Variants in SKOR2 observed in about 807,000 individuals in gnomAD.
SKOR2 encodes the protein LBX1 corepressor 1-like protein.
A neutral mutation model predicts 69.1 loss-of-function variants in SKOR2; 47 were observed. The ratio of observed to expected loss-of-function variants is 0.68; its 90% CI spans 0.54 to 0.87. The LOEUF (loss-of-function observed/expected upper bound fraction) is 0.87, where lower values mean the gene tolerates loss of function less well. Ranked by LOEUF, SKOR2 falls within the 40% of genes least tolerant of loss-of-function variation. SKOR2 has a pLI of 0.00. For synonymous variants in SKOR2, 717 were observed against 672.6 expected (o/e 1.07, Z -1.02); for missense variants, 1,404 against 1,472.2 (o/e 0.95, Z 0.76).
At chr18:47,245,598 C>T (rs72914803) in intron 2 of SKOR2, 37 bp from the exon 3 acceptor site, 17 of 1,465,016 alleles carry the variant, frequency 1.2e-5, no homozygotes, top group Non-Finnish European at 1.3e-5. Context: ...AATCAATGCC[C>T]GGATCAAACC....
intron 8 of SKOR2, among the ~76,000 whole-genome samples, chr18:47,210,873 A>G (rs1400400898): frequency 1.3e-5 from 2 of 152,054 alleles, no homozygotes; most frequent in Admixed American, 1.3e-4. Context: ...GGGCCCCCAG[A>G]ATCTCTTCTT....
At chr18:47,250,836 C>T (rs2064309191) in intron 1 of SKOR2, among the ~76,000 whole-genome samples, 1 of 152,148 alleles carries the variant, frequency 6.6e-6, no homozygotes, top group Admixed American at 6.5e-5. Context: ...CAGTGACACC[C>T]GAGTCTGATA....
At position 47,247,623 on chromosome 18, in the gene SKOR2, C is replaced by T; in HGVS notation, c.1561G>A (p.Gly521Arg). 3 of 1,327,466 alleles carry T rather than the reference C, an allele frequency of 2.3e-6. No individual in the cohort carries two copies. The highest frequency in any genetic ancestry group is 2.9e-6 in the Non-Finnish European group (3 of 1,042,278). 82.2% of individuals were successfully genotyped at this position (1,327,466 alleles called of 1,614,324 possible). Reference sequence around the variant, plus strand: ...GGCGGGGGCGCGGCCTCGGCGCTCCCAGCAGCACCGCCTGGCTCAGCCAGG... The same window carrying T: ...GGCGGGGGCGCGGCCTCGGCGCTCCTAGCAGCACCGCCTGGCTCAGCCAGG... Reference protein sequence around the residue: ...LDLAEPGGAAGSAEAAPPPGQ... With the variant: ...LDLAEPGGAARSAEAAPPPGQ... Residue 521 changes from glycine to arginine, a missense_variant, in exon 2 of 9, where the codon GGG (glycine) becomes AGG (arginine). Transcript: ENST00000425639. The surrounding 1 kb of genome is among the most constrained non-coding windows in gnomAD (Gnocchi z 6.6).
chr18:47,231,660 A>G (rs1452079128), intron 4 of SKOR2, among the ~76,000 whole-genome samples: 1 of 152,054 alleles, frequency 6.6e-6, no homozygotes, highest in Non-Finnish European at 1.5e-5. Context: ...CCTGACCAAC[A>G]TGGAGAAACC....
intron 7 of SKOR2, among the ~76,000 whole-genome samples, chr18:47,218,609 A>AAAAAAT (rs2064151515): frequency 1.3e-5 from 2 of 151,572 alleles, no homozygotes; most frequent in African/African-American, 2.4e-5. Context: ...AAAAAAAAAA[A>AAAAAAT]ATCTGAAAAT....
In SKOR2 at chr18:47,247,493, C is replaced by T; in HGVS notation, c.1691G>A (p.Gly564Asp). The T allele has an allele frequency of 8.3e-7, 1 of 1,209,610 alleles. No individual in the cohort carries two copies. Among genetic ancestry groups the T allele is most frequent in the Non-Finnish European group, 1.0e-6 (1 of 974,708 alleles). 74.9% of individuals were successfully genotyped at this position (1,209,610 alleles called of 1,614,324 possible). Residue 564 changes from glycine to aspartate, a missense_variant, in exon 2 of 9, where the codon GGC becomes GAC. By Grantham distance (94) the Gly-to-Asp change is moderately conservative. Around this residue, in one of 3 missense-constraint regions of SKOR2, gnomAD observed 1,266 missense variants for 1,309.9 expected, o/e 0.97. Transcript: ENST00000425639. This position sits in a 1 kb window ranked among gnomAD's most constrained non-coding sequence, Gnocchi z 6.6. Reference protein sequence around the residue: ...RDALFESPPGGSGGDCSAGST... With the variant: ...RDALFESPPGDSGGDCSAGST... ...GCCCGCGCTGCAGTCCCCGCCGCTGCCGCCCGGGGGCGACTCGAAGAGCGC... is the reference window on the plus strand; with the variant it reads ...GCCCGCGCTGCAGTCCCCGCCGCTGTCGCCCGGGGGCGACTCGAAGAGCGC...
rs761065354 is a variant in SKOR2, at chr18:47,220,028, T to C, written c.2918-18A>G. Reference sequence around the variant, plus strand: ...AAAATTATCTGGTAGGAGAGAGAGATAGAGAAAGATTAACTAAAGTGTAAA... The same window carrying C: ...AAAATTATCTGGTAGGAGAGAGAGACAGAGAAAGATTAACTAAAGTGTAAA... On this transcript the variant is annotated intron_variant, in intron 6 of 8. Transcript: ENST00000425639. 572 of 1,526,912 alleles carry C rather than the reference T, an allele frequency of 3.7e-4. No individual in the cohort carries two copies. Among genetic ancestry groups the C allele is most frequent in the Non-Finnish European group, 4.8e-4 (548 of 1,140,116 alleles). The allele number at this position is 1,526,912 out of a possible 1,614,324, so 94.6% of individuals were successfully genotyped here. A position where few individuals can be genotyped will look rare whatever the true frequency, so the allele number is the denominator to read the frequency against.
At position 47,230,574 on chromosome 18, in the gene SKOR2, G is replaced by A. The variant is rs1329684812; in HGVS notation, c.2819-17C>T. 5.1e-6 allele frequency: 7 copies of A among 1,365,472 alleles called. No individual in the cohort carries two copies. The highest frequency in any genetic ancestry group is 9.5e-7 in the Non-Finnish European group (1 of 1,053,768). The allele number at this position is 1,365,472 out of a possible 1,614,324, so 84.6% of individuals were successfully genotyped here. On this transcript the variant is annotated splice_polypyrimidine_tract_variant and intron_variant, in intron 5 of 8. Transcript: ENST00000425639. Reference sequence around the variant, plus strand: ...GAAGTTCTTCTAATAAAAAAAAGAAGAGTCATTTTACTAATCTTTACAAAT... The same window carrying A: ...GAAGTTCTTCTAATAAAAAAAAGAAAAGTCATTTTACTAATCTTTACAAAT...
chr18:47,209,605 T>C (rs577123904), intron 8 of SKOR2, among the ~76,000 whole-genome samples: 1 of 152,292 alleles, frequency 6.6e-6, no homozygotes, highest in African/African-American at 2.4e-5. Flanking sequence ...GGAGGAAGCA[T>C]TAGTTACTAA....
chr18:47,211,310 GT>G (rs964160240), intron 8 of SKOR2, among the ~76,000 whole-genome samples: 1 of 152,278 alleles, frequency 6.6e-6, no homozygotes, highest in East Asian at 1.9e-4. Flanking sequence ...TGCGTCTGTG[GT>G]TTTTTCCCCT....
rs751808017 is a variant in SKOR2, at chr18:47,244,968, G to C, written c.2692C>G (p.His898Asp). Residue 898 changes from histidine to aspartate, a missense_variant, in exon 4 of 9, where the codon CAT becomes GAT. Coordinates refer to ENST00000425639, the MANE Select transcript of SKOR2 (RefSeq NM_001278063.4). ...TCAGAGTCTGTGATGAAAAAGCTATGCTCCTTGTTCTTATCTAGAACCAAA... is the reference window on the plus strand; with the variant it reads ...TCAGAGTCTGTGATGAAAAAGCTATCCTCCTTGTTCTTATCTAGAACCAAA... ...DNSFSDKNKEHSFFITDSDAS... is the reference protein window; with the variant it reads ...DNSFSDKNKEDSFFITDSDAS... 4 of 1,535,332 alleles carry C rather than the reference G, an allele frequency of 2.6e-6. No homozygotes were observed. Among genetic ancestry groups the C allele is most frequent in the Admixed American group, 2.0e-5 (1 of 50,928 alleles).
intron 4 of SKOR2, among the ~76,000 whole-genome samples, chr18:47,232,414 A>G (rs2064203240): frequency 6.6e-6 from 1 of 152,232 alleles, no homozygotes; most frequent in African/African-American, 2.4e-5. Flanking sequence ...GAATCCAATC[A>G]TTCAGGCAAT....
intron 8 of SKOR2, among the ~76,000 whole-genome samples, chr18:47,209,628 CT>C (rs976550369): frequency 6.6e-6 from 1 of 151,664 alleles, no homozygotes; most frequent in Non-Finnish European, 1.5e-5. Context: ...ACAAATCAAT[CT>C]TTTTTTTTCT....
Position 47,218,918 on chromosome 18 carries a change from G to A in SKOR2, c.2985+1025C>T, listed in dbSNP as rs1304067713. ...CTGAGAGTTGTTAACGATCACTTGA[G>A]ATCAAGGAAAACCAATTGCTGCAAA... On this transcript the variant is annotated intron_variant, in intron 7 of 8. Transcript: ENST00000425639. Among the ~76,000 whole-genome samples, 3 of 152,316 alleles carry A rather than the reference G, an allele frequency of 2.0e-5. No homozygotes were observed. The East Asian group carries it at 5.8e-4, about 29-fold the overall frequency.
Position 47,246,763 on chromosome 18 carries a change from C to A in SKOR2, c.2421G>T (p.Ala807=). Reference sequence around the variant, plus strand: ...AGTTCAGGCCGAGCGGGAACGCGCCCGCGACGGCCGGCGCGCGGTCCCGGC... The same window carrying A: ...AGTTCAGGCCGAGCGGGAACGCGCCAGCGACGGCCGGCGCGCGGTCCCGGC... The part of the protein sequence containing the change: ...GSSRDRAPAV[A]GAFPLGLNSS... The change falls in exon 2 of 9, where the codon GCG becomes GCT. Residue 807 remains alanine (A), a synonymous_variant. Coordinates refer to ENST00000425639, the MANE Select transcript of SKOR2 (RefSeq NM_001278063.4). 7.1e-7 allele frequency: 1 copy of A among 1,403,956 alleles called. No individual in the cohort carries two copies. The highest frequency in any genetic ancestry group is 3.4e-5 in the Admixed American group (1 of 29,702). 87.0% of individuals were successfully genotyped at this position (1,403,956 alleles called of 1,614,324 possible).
At chr18:47,250,476 A>C (rs552290247) in intron 1 of SKOR2, among the ~76,000 whole-genome samples, 34 of 152,364 alleles carry the variant, frequency 2.2e-4, no homozygotes, top group African/African-American at 7.7e-4. Context: ...GCTACATCTC[A>C]AGCGCATTGG....
rs778064597 is a variant in SKOR2, at chr18:47,248,605, C to A, written c.579G>T (p.Thr193=). Residue 193 remains threonine, a synonymous_variant, in exon 2 of 9, where the codon ACG becomes ACT. Coordinates refer to ENST00000425639, the MANE Select transcript of SKOR2 (RefSeq NM_001278063.4). This position sits in a 1 kb window ranked among gnomAD's most constrained non-coding sequence, Gnocchi z 6.4. The stretch of plus-strand genomic sequence containing the variant: ...CTGGCTGAGTGTACTTGGCGTCGGG[C>A]GTGCGGTGGGAGTGGAAAATGAACT... ...PNKFIFHSHR[T]PDAKYTQPDA... The A allele has an allele frequency of 1.9e-6, 3 of 1,543,976 alleles. No homozygotes were observed. Among genetic ancestry groups the A allele is most frequent in the South Asian group, 2.4e-5 (2 of 84,542 alleles).
chr18:47,217,645 G>A (rs539503545), intron 7 of SKOR2, among the ~76,000 whole-genome samples: 1 of 152,272 alleles, frequency 6.6e-6, no homozygotes, highest in East Asian at 1.9e-4. Flanking sequence ...TTCAACAAAT[G>A]TTTATGAACA....
At position 47,247,028 on chromosome 18, in the gene SKOR2, G is replaced by A; in HGVS notation, c.2156C>T (p.Pro719Leu). 3 of 1,492,822 alleles carry A rather than the reference G, an allele frequency of 2.0e-6. No individual in the cohort carries two copies. The highest frequency in any genetic ancestry group is 2.7e-6 in the Non-Finnish European group (3 of 1,127,294). 92.5% of individuals were successfully genotyped at this position (1,492,822 alleles called of 1,614,324 possible). A position where few individuals can be genotyped will look rare whatever the true frequency, so the allele number is the denominator to read the frequency against. ...GGGGTAGCAGCAGCTGGTTCCCCCG[G>A]GAGACAGAAGGCCTCGGTGGTGCGG... The part of the protein sequence containing the change: ...QHPHHRGLLS[P>L]GGTSCCYPSE... The change falls in exon 2 of 9, where the codon CCC becomes CTC. Residue 719 changes from proline to leucine, a missense_variant. Pro to Leu is a moderately conservative substitution (Grantham distance 98, BLOSUM62 -3). Transcript: ENST00000425639. The surrounding 1 kb of genome is among the most constrained non-coding windows in gnomAD (Gnocchi z 6.6).
Sources: allele counts gnomAD v4.1 joint callset (sites outside exome capture counted in the v4.1 genomes callset), GRCh38; gene constraint gnomAD v4.1.1; regional missense constraint gnomAD v4.1.1; non-coding constraint Gnocchi (gnomAD v3.1); transcripts MANE v1.5; gene names NCBI Gene and HGNC (gene_info 2026-07-23, HGNC 2026-07-21).